The following MRPS28 variants were observed in gnomAD, a reference collection of about 807,000 sequenced individuals.
MRPS28 encodes mitochondrial ribosomal protein S28.
MRPS28 carries 7 observed loss-of-function variants against 10.8 expected under a neutral mutation model. The ratio of observed to expected loss-of-function variants is 0.65; its 90% CI spans 0.37 to 1.22. The LOEUF (loss-of-function observed/expected upper bound fraction) is 1.22, where lower values mean the gene tolerates loss of function less well. MRPS28 is among the 50% of genes most tolerant of loss of function. The pLI is 0.02. For synonymous variants in MRPS28, 121 were observed against 93.3 expected (o/e 1.30, Z -1.71); for missense variants, 265 against 232.9 (o/e 1.14, Z -0.90).
intron 2 of MRPS28, among the ~76,000 whole-genome samples, chr8:79,958,781 T>C (rs1277160611): frequency 1.3e-5 from 2 of 152,186 alleles, no homozygotes; most frequent in African/African-American, 4.8e-5. Context: ...GAGTTTTTCT[T>C]ATGTCTTGTG....
intron 1 of MRPS28, among the ~76,000 whole-genome samples, chr8:80,023,909 T>C (rs1809433612): frequency 6.6e-6 from 1 of 151,870 alleles, no homozygotes; most frequent in African/African-American, 2.4e-5. Flanking sequence ...GGAGGGAAAA[T>C]GGTACCTGAC....
intron 2 of MRPS28, among the ~76,000 whole-genome samples, chr8:79,931,578 C>T (rs1307147620): frequency 3.3e-5 from 5 of 152,138 alleles, no homozygotes; most frequent in South Asian, 2.1e-4. Flanking sequence ...GAGGAATCAC[C>T]GTAGTTCCTA....
intron 2 of MRPS28, among the ~76,000 whole-genome samples, chr8:79,980,790 C>A (rs948375261): frequency 2.0e-5 from 3 of 152,196 alleles, no homozygotes; most frequent in Admixed American, 6.5e-5. Context: ...AAATATGCAG[C>A]ACATGTTGAT....
intron 2 of MRPS28, among the ~76,000 whole-genome samples, chr8:79,970,458 C>T (rs954445326): frequency 3.9e-5 from 6 of 152,192 alleles, no homozygotes; most frequent in Admixed American, 3.9e-4. Flanking sequence ...CCTTACCTGA[C>T]ATTTTATAGG....
At chr8:79,942,728 G>A (rs1806803365) in intron 2 of MRPS28, among the ~76,000 whole-genome samples, 1 of 152,076 alleles carries the variant, frequency 6.6e-6, no homozygotes, top group African/African-American at 2.4e-5. Flanking sequence ...ATCATTTAAA[G>A]TTAACTAAAC....
chr8:80,019,460 A>T (rs551694011), intron 1 of MRPS28, among the ~76,000 whole-genome samples: 1 of 151,970 alleles, frequency 6.6e-6, no homozygotes, highest in Non-Finnish European at 1.5e-5. Context: ...ACCCATTCAT[A>T]ATAGTAACTC....
intron 2 of MRPS28, among the ~76,000 whole-genome samples, chr8:79,922,189 T>TA (rs1443053777): frequency 6.6e-6 from 1 of 152,204 alleles, no homozygotes; most frequent in African/African-American, 2.4e-5. Context: ...GCATTGTTAT[T>TA]AAAATGTAAT....
At chr8:80,021,125 C>T (rs187568579) in intron 1 of MRPS28, among the ~76,000 whole-genome samples, 1 of 152,010 alleles carries the variant, frequency 6.6e-6, no homozygotes, top group Admixed American at 6.5e-5. Context: ...GCCTTAGCCT[C>T]CCGAGTAGCT....
chr8:79,998,025 A>G (rs1808552020), intron 2 of MRPS28, among the ~76,000 whole-genome samples: 1 of 150,906 alleles, frequency 6.6e-6, no homozygotes, highest in Non-Finnish European at 1.5e-5. Context: ...ACTGCACTCC[A>G]GCCTGGGTGA....
chr8:80,001,335 A>G (rs1270130066), intron 2 of MRPS28, among the ~76,000 whole-genome samples: 1 of 152,238 alleles, frequency 6.6e-6, no homozygotes, highest in African/African-American at 2.4e-5. Context: ...GCTTCTGCTG[A>G]TAGTACCTAA....
chr8:80,014,932 C>G lies in MRPS28; in HGVS notation c.214-11752G>C, dbSNP rs75993308. On this transcript the variant is annotated intron_variant, in intron 1 of 2. Transcript: ENST00000276585. ...TGAGAGGTGGGGGTCACAGGGAAAA[C>G]TGCTGTTCTCAAATGTGGAGAGACA... Among the ~76,000 whole-genome samples, 965 of 152,264 alleles carry G rather than the reference C, an allele frequency of 6.3e-3. 10 individuals carry two copies. Among genetic ancestry groups the G allele is most frequent in the African/African-American group, 0.022 (901 of 41,554 alleles).
chr8:80,011,752 A>C (rs1475410084), intron 1 of MRPS28, among the ~76,000 whole-genome samples: 2 of 152,116 alleles, frequency 1.3e-5, no homozygotes, highest in East Asian at 3.9e-4. Context: ...GACTCTCAAA[A>C]AAAAACAACA....
At chr8:80,010,522 T>C (rs1809011100) in intron 1 of MRPS28, among the ~76,000 whole-genome samples, 1 of 152,234 alleles carries the variant, frequency 6.6e-6, no homozygotes, top group South Asian at 2.1e-4. Flanking sequence ...TAGACACTAC[T>C]CAGCTCCAGC....
At chr8:79,984,419 A>C (rs942678201) in intron 2 of MRPS28, among the ~76,000 whole-genome samples, 1 of 152,160 alleles carries the variant, frequency 6.6e-6, no homozygotes, top group African/African-American at 2.4e-5. Context: ...AATTCACACA[A>C]AACAATATTA....
intron 1 of MRPS28, among the ~76,000 whole-genome samples, chr8:80,019,284 G>T (rs1809290361): frequency 6.7e-6 from 1 of 148,670 alleles, no homozygotes. Context: ...TTATATGCCT[G>T]TATCAAAGTA....
At chr8:80,024,125 G>T (rs1041850081) in intron 1 of MRPS28, among the ~76,000 whole-genome samples, 112 of 152,158 alleles carry the variant, frequency 7.4e-4, no homozygotes, top group Middle Eastern at 6.8e-3. Context: ...AGCTTCTCAG[G>T]AGGCTGAGGT....
At chr8:79,934,212 T>C (rs1806545498) in intron 2 of MRPS28, among the ~76,000 whole-genome samples, 1 of 152,174 alleles carries the variant, frequency 6.6e-6, no homozygotes, top group African/African-American at 2.4e-5. Context: ...TACTGGTTAA[T>C]TTTTCTGCGT....
At chr8:79,965,130 C>T (rs1325665685) in intron 2 of MRPS28, among the ~76,000 whole-genome samples, 1 of 151,966 alleles carries the variant, frequency 6.6e-6, no homozygotes, top group African/African-American at 2.4e-5. Context: ...CAATCTACAG[C>T]CTAATAATTA....
intron 2 of MRPS28, among the ~76,000 whole-genome samples, chr8:79,938,229 T>TC (rs1554569553): frequency 1.3e-5 from 2 of 149,624 alleles, no homozygotes; most frequent in East Asian, 2.0e-4. Flanking sequence ...AAGACATAGG[T>TC]GGGGGGGGGC....
Sources: allele counts gnomAD v4.1 joint callset (sites outside exome capture counted in the v4.1 genomes callset), GRCh38; gene constraint gnomAD v4.1.1; transcripts MANE v1.5; gene names NCBI Gene and HGNC (gene_info 2026-07-23, HGNC 2026-07-21).